CD99L2: variants seen among roughly 807,000 people sequenced by gnomAD.
The protein encoded by CD99L2 is CD99 antigen-like protein 2.
Under a neutral mutation model 27.3 loss-of-function variants are expected in CD99L2, and 24 were observed. The ratio of observed to expected loss-of-function variants is 0.88; its 90% CI spans 0.64 to 1.24. The LOEUF (loss-of-function observed/expected upper bound fraction) is 1.24. CD99L2 is among the 50% of genes most tolerant of loss of function. CD99L2 has a pLI of 0.00. For missense variants in CD99L2, 255 were observed against 221.6 expected (o/e 1.15, Z -0.96); for synonymous variants, 97 against 87.9 (o/e 1.10, Z -0.58).
chrX:150,897,526 AGT>A (rs58656065), intron 1 of CD99L2, among the ~76,000 whole-genome samples: 6,379 of 103,401 alleles, frequency 0.062, 165 homozygotes, highest in East Asian at 0.1. Flanking sequence ...ACTAGGACAA[AGT>A]GTGTGTGTGT....
intron 4 of CD99L2, among the ~76,000 whole-genome samples, chrX:150,802,661 A>C (rs1557420119): frequency 1.0e-5 from 1 of 98,848 alleles, no homozygotes; most frequent in Non-Finnish European, 2.0e-5. Context: ...GGCTCACTGC[A>C]AGCTCTGCCT....
Position 150,767,828 on chromosome X carries a change from C to CG in CD99L2, c.*1205dup, listed in dbSNP as rs781832173. ...TAGACCCTAGCATGTGGTTCTGTCC[C>CG]GTGAGCCTCTGACAACAGAGCTCAC... On this transcript the variant is annotated 3_prime_UTR_variant, in exon 11 of 11. Transcript: ENST00000370377. 11 of 111,422 alleles carry CG rather than the reference C, an allele frequency of 9.9e-5. No homozygotes were observed. The highest frequency in any genetic ancestry group is 2.9e-4 in the East Asian group (1 of 3,481). 9.2% of individuals were successfully genotyped at this position (111,422 alleles called of 1,213,427 possible).
At chrX:150,847,444 A>T (rs1405826717) in intron 1 of CD99L2, among the ~76,000 whole-genome samples, 2 of 111,874 alleles carry the variant, frequency 1.8e-5, no homozygotes, top group Non-Finnish European at 3.8e-5. Flanking sequence ...CTGTAGTTCA[A>T]TTTGGGAAGT....
intron 1 of CD99L2, among the ~76,000 whole-genome samples, chrX:150,855,738 T>C (rs782118793): frequency 1.8e-5 from 2 of 110,609 alleles, no homozygotes; most frequent in Admixed American, 9.5e-5. Context: ...GAGGCAGAGA[T>C]TGAAGTGATG....
chrX:150,783,457 C>T (rs1299610998), intron 7 of CD99L2, among the ~76,000 whole-genome samples: 4 of 111,213 alleles, frequency 3.6e-5, no homozygotes, highest in South Asian at 3.8e-4. Flanking sequence ...TTGGGGACAT[C>T]TCCAGATAGC....
At chrX:150,804,913 T>C (rs2045970391) in intron 4 of CD99L2, among the ~76,000 whole-genome samples, 1 of 110,107 alleles carries the variant, frequency 9.1e-6, no homozygotes, top group Admixed American at 9.5e-5. Flanking sequence ...TGGCCAGGCG[T>C]GGTGGCTCAT....
At chrX:150,811,151 T>C (rs1433431341) in intron 4 of CD99L2, among the ~76,000 whole-genome samples, 2 of 112,076 alleles carry the variant, frequency 1.8e-5, no homozygotes, top group Non-Finnish European at 3.8e-5. Context: ...ATAAACAATA[T>C]TCAATAAAGC....
chrX:150,811,171 G>A (rs1432368177), intron 4 of CD99L2, among the ~76,000 whole-genome samples: 2 of 112,069 alleles, frequency 1.8e-5, no homozygotes, highest in African/African-American at 6.5e-5. Context: ...CACATGAAAA[G>A]ATATTTGATT....
At chrX:150,785,666 C>T (rs2045583176) in intron 7 of CD99L2, among the ~76,000 whole-genome samples, 1 of 111,520 alleles carries the variant, frequency 9.0e-6, no homozygotes, top group Non-Finnish European at 1.9e-5. Flanking sequence ...CACCTAACCC[C>T]CGCAGCCACA....
At chrX:150,806,657 G>A (rs1451264903) in intron 4 of CD99L2, among the ~76,000 whole-genome samples, 6 of 111,760 alleles carry the variant, frequency 5.4e-5, no homozygotes, top group Admixed American at 2.8e-4. Flanking sequence ...TTGGGAGGCC[G>A]AGGTGGGCAG....
At chrX:150,886,838 C>T (rs1557422636) in intron 1 of CD99L2, among the ~76,000 whole-genome samples, 1 of 111,557 alleles carries the variant, frequency 9.0e-6, no homozygotes, top group African/African-American at 3.3e-5. Context: ...GTCAGCAGTG[C>T]CATGGTTGAA....
rs1217037357 is a variant in CD99L2 at position 150,898,393 on chromosome X, G to A, written c.67+129C>T. The A allele has an allele frequency of 8.9e-6, 4 of 451,697 alleles. No individual in the cohort carries two copies. In the Admixed American group the frequency reaches 2.0e-4, roughly 23 times the overall value. The allele number at this position is 451,697 out of a possible 1,213,427, so 37.2% of individuals were successfully genotyped here. A position where few individuals can be genotyped will look rare whatever the true frequency, so the allele number is the denominator to read the frequency against. Reference sequence around the variant, plus strand: ...GACCCCCGCCGCTCCGCCTCGCACAGCCGGGCCGGCCGGTGGCAGCCACCG... The same window carrying A: ...GACCCCCGCCGCTCCGCCTCGCACAACCGGGCCGGCCGGTGGCAGCCACCG... On this transcript the variant is annotated intron_variant, in intron 1 of 10. Coordinates refer to ENST00000370377, the MANE Select transcript of CD99L2 (RefSeq NM_031462.4).
At chrX:150,838,864 A>AAT (rs1557421290) in intron 1 of CD99L2, among the ~76,000 whole-genome samples, 2 of 95,129 alleles carry the variant, frequency 2.1e-5, no homozygotes, top group African/African-American at 7.7e-5. Flanking sequence ...GGAAAACATG[A>AAT]ACTTTAACAT....
chrX:150,842,381 G>C (rs782386729), intron 1 of CD99L2, among the ~76,000 whole-genome samples: 1 of 111,750 alleles, frequency 8.9e-6, no homozygotes, highest in South Asian at 3.8e-4. Flanking sequence ...GGCATCTAAA[G>C]CTAAGGCTAA....
intron 2 of CD99L2, among the ~76,000 whole-genome samples, chrX:150,823,768 C>G (rs1334672623): frequency 9.1e-6 from 1 of 110,413 alleles, no homozygotes; most frequent in Non-Finnish European, 1.9e-5. Flanking sequence ...GCTCAGGTCT[C>G]TCTTTCCCTT....
intron 2 of CD99L2, chrX:150,829,627 T>C (rs1296666134): frequency 8.2e-5 from 23 of 279,323 alleles, no homozygotes; most frequent in Middle Eastern, 7.6e-4. Flanking sequence ...AACATAGACA[T>C]GTTCTCTAAG....
intron 1 of CD99L2, among the ~76,000 whole-genome samples, chrX:150,896,508 GC>G (rs2047613232): frequency 8.9e-6 from 1 of 112,238 alleles, no homozygotes; most frequent in Non-Finnish European, 1.9e-5. Context: ...TATGACCAGG[GC>G]CCCCTCATCT....
intron 2 of CD99L2, among the ~76,000 whole-genome samples, chrX:150,817,089 C>T (rs782432898): frequency 3.1e-3 from 295 of 96,529 alleles, no homozygotes; most frequent in African/African-American, 0.011. Flanking sequence ...GGAGATATAC[C>T]TAATGCTAAA....
intron 1 of CD99L2, among the ~76,000 whole-genome samples, chrX:150,858,626 G>A (rs2046928853): frequency 1.8e-5 from 2 of 111,854 alleles, no homozygotes; most frequent in Admixed American, 1.9e-4. Context: ...GAAGTTAAGA[G>A]AGAAATCAAA....
Sources: allele counts gnomAD v4.1 joint callset (sites outside exome capture counted in the v4.1 genomes callset), GRCh38; gene constraint gnomAD v4.1.1; transcripts MANE v1.5; gene names NCBI Gene and HGNC (gene_info 2026-07-23, HGNC 2026-07-21).